Variants in USP48 observed in about 807,000 individuals in gnomAD.
USP48 encodes the protein ubiquitin specific peptidase 48.
USP48 carries 43 observed loss-of-function variants against 150.7 expected under a neutral mutation model. The ratio of observed to expected loss-of-function variants is 0.29; its 90% CI spans 0.22 to 0.37. The LOEUF is 0.37. USP48 is among the 10% of genes least tolerant of loss of function. USP48 has a pLI of 1.00. For missense variants in USP48, 813 were observed against 1,249.6 expected (o/e 0.65, Z 5.27); for synonymous variants, 396 against 425.9 (o/e 0.93, Z 0.86).
chr1:21,704,170 TCTTTAA>T (rs1346555396), intron 20 of USP48, 86 bp downstream of exon 20: 6 of 1,470,280 alleles, frequency 4.1e-6, no homozygotes, highest in South Asian at 2.7e-5. Flanking sequence ...CGCCGCATGA[TCTTTAA>T]CTTTAAGCAG....
At chr1:21,727,722 G>T in intron 11 of USP48, 1 of 266,484 alleles carries the variant, frequency 3.8e-6, no homozygotes, top group Non-Finnish European at 5.8e-6. Flanking sequence ...TTACAAAGAA[G>T]GGTCAGAATT....
chr1:21,728,542 C>T (rs779330861), intron 11 of USP48, 28 bp downstream of exon 11: 1 of 1,598,636 alleles, frequency 6.3e-7, no homozygotes, highest in Non-Finnish European at 8.5e-7. Context: ...TTAATGGCAA[C>T]AGTGCTGTCC....
chr1:21,689,868 C>T, intron 24 of USP48, 106 bp downstream of exon 24: 1 of 1,469,076 alleles, frequency 6.8e-7, no homozygotes, highest in Non-Finnish European at 9.2e-7. Context: ...TCACTACCCT[C>T]TGCTAAAGAC....
At chr1:21,779,633 AAAAT>A (rs1362053532) in intron 1 of USP48, among the ~76,000 whole-genome samples, 1 of 152,174 alleles carries the variant, frequency 6.6e-6, no homozygotes, top group East Asian at 1.9e-4. Flanking sequence ...AAGAGAAATA[AAAAT>A]AAATGCCCAC....
intron 25 of USP48, among the ~76,000 whole-genome samples, chr1:21,684,488 C>A (rs1212368745): frequency 6.6e-6 from 1 of 152,166 alleles, no homozygotes; most frequent in African/African-American, 2.4e-5. Context: ...TTCTCCCATT[C>A]TACAGGTTGT....
chr1:21,710,811 A>AC (rs1041515258), intron 15 of USP48, among the ~76,000 whole-genome samples: 2 of 151,598 alleles, frequency 1.3e-5, no homozygotes, highest in Non-Finnish European at 2.9e-5. Flanking sequence ...AAAAAAAAAA[A>AC]AACTTTTATT....
At chr1:21,683,638 C>T (rs144304461) in intron 25 of USP48, among the ~76,000 whole-genome samples, 11 of 152,112 alleles carry the variant, frequency 7.2e-5, no homozygotes, top group African/African-American at 2.7e-4. Context: ...CCACTGCGCC[C>T]GGCCTATCAT....
chr1:21,728,079 A>G (rs1183244007), intron 11 of USP48: 2 of 985,576 alleles, frequency 2.0e-6, no homozygotes, highest in Non-Finnish European at 2.4e-6. Context: ...ATTTCTAAGA[A>G]ATCAGGGGTC....
At chr1:21,751,151 TAA>T (rs1274232945) in intron 6 of USP48, among the ~76,000 whole-genome samples, 1 of 152,184 alleles carries the variant, frequency 6.6e-6, no homozygotes, top group African/African-American at 2.4e-5. Context: ...CATATCAATG[TAA>T]AAAAGTTTCA....
At chr1:21,698,633 T>C (rs534723586) in intron 22 of USP48, among the ~76,000 whole-genome samples, 2 of 152,264 alleles carry the variant, frequency 1.3e-5, no homozygotes, top group East Asian at 3.9e-4. Context: ...AACAAACTAA[T>C]TTACAAAGTT....
chr1:21,721,998 A>G (rs1182110985), intron 12 of USP48, among the ~76,000 whole-genome samples: 2 of 152,210 alleles, frequency 1.3e-5, no homozygotes, highest in Admixed American at 1.3e-4. Context: ...GTATTACATT[A>G]AAAGTATCTA....
intron 24 of USP48, among the ~76,000 whole-genome samples, chr1:21,688,235 T>C (rs769797281): frequency 1.3e-5 from 2 of 152,068 alleles, no homozygotes; most frequent in Non-Finnish European, 2.9e-5. Context: ...TTCTTTCTTT[T>C]TGAGACGGAG....
intron 22 of USP48, among the ~76,000 whole-genome samples, chr1:21,698,926 T>C (rs1007906514): frequency 6.6e-6 from 1 of 152,018 alleles, no homozygotes; most frequent in Non-Finnish European, 1.5e-5. Flanking sequence ...CAACTGATTA[T>C]TAAGCCATAC....
chr1:21,782,998 AGCC>A lies in USP48; in HGVS notation c.-44_-42del, dbSNP rs1167153594. 2.7e-6 allele frequency: 4 copies of A among 1,484,200 alleles called. No individual in the cohort carries two copies. The highest frequency in any genetic ancestry group is 2.4e-5 in the Admixed American group (1 of 42,492). 91.9% of individuals were successfully genotyped at this position (1,484,200 alleles called of 1,614,324 possible). On this transcript the variant is annotated 5_prime_UTR_variant, in exon 1 of 27. Coordinates refer to ENST00000308271, the MANE Select transcript of USP48 (RefSeq NM_032236.8). ...AACGCCTCCCGAGCCAGACCGCCGC[AGCC>A]GCCGCCGCGGTCTGCACCGCCGCCC...
At chr1:21,769,420 A>ATT (rs1045099672) in intron 1 of USP48, among the ~76,000 whole-genome samples, 6 of 145,700 alleles carry the variant, frequency 4.1e-5, no homozygotes, top group African/African-American at 1.5e-4. Flanking sequence ...AGCAGAAACA[A>ATT]TTTTTTTTTT....
intron 23 of USP48, 33 bp from the exon 24 acceptor site, chr1:21,690,132 A>G: frequency 6.3e-7 from 1 of 1,598,370 alleles, no homozygotes. Flanking sequence ...AAGTCCGTAT[A>G]ATGCAAAATA....
intron 22 of USP48, among the ~76,000 whole-genome samples, chr1:21,697,533 G>T (rs903897263): frequency 2.6e-5 from 4 of 151,858 alleles, no homozygotes; most frequent in African/African-American, 9.7e-5. Flanking sequence ...CTTGGTGGTG[G>T]GCGCCTGTAG....
chr1:21,763,470 C>T (rs2097854748), intron 1 of USP48, among the ~76,000 whole-genome samples: 1 of 152,076 alleles, frequency 6.6e-6, no homozygotes, highest in South Asian at 2.1e-4. Context: ...TATGGGGGGG[C>T]GGGGTTGTGT....
chr1:21,759,346 G>A (rs950527573), intron 1 of USP48, among the ~76,000 whole-genome samples: 5 of 152,096 alleles, frequency 3.3e-5, no homozygotes, highest in African/African-American at 1.2e-4. Flanking sequence ...AACTTAAACA[G>A]TTATCAAGCT....
Sources: allele counts gnomAD v4.1 joint callset (sites outside exome capture counted in the v4.1 genomes callset), GRCh38; gene constraint gnomAD v4.1.1; transcripts MANE v1.5; gene names NCBI Gene and HGNC (gene_info 2026-07-23, HGNC 2026-07-21).